Variants in KLHDC2 observed in about 807,000 individuals in gnomAD.
The protein encoded by KLHDC2 is kelch domain-containing protein 2.
KLHDC2 carries 38 observed loss-of-function variants against 62.3 expected under a neutral mutation model. The ratio of observed to expected loss-of-function variants is 0.61; its 90% CI spans 0.47 to 0.80. The LOEUF (loss-of-function observed/expected upper bound fraction) is 0.80. Ranked by LOEUF, KLHDC2 falls within the 30% of genes least tolerant of loss-of-function variation. The probability of loss-of-function intolerance (pLI) is 0.00; values close to 1 mark genes in which losing one functional copy is unlikely to be tolerated. For synonymous variants in KLHDC2, 159 were observed against 161.0 expected, an observed-to-expected ratio of 0.99 and a Z score of 0.09; for missense variants, 430 against 495.3, an observed-to-expected ratio of 0.87 and a Z score of 1.25.
intron 10 of KLHDC2, chr14:49,782,039 C>T (rs1302372467): frequency 8.3e-6 from 2 of 241,858 alleles, no homozygotes; most frequent in Non-Finnish European, 1.6e-5. Flanking sequence ...TGTGTAAGGC[C>T]AGTTGGCCCT....
intron 2 of KLHDC2, among the ~76,000 whole-genome samples, chr14:49,774,144 G>A (rs906467594): frequency 2.6e-5 from 4 of 152,180 alleles, no homozygotes; most frequent in Non-Finnish European, 5.9e-5. Flanking sequence ...GCTAAAAGGG[G>A]ACTGAAGAAA....
chr14:49,771,188 A>C (rs1889656565), intron 1 of KLHDC2, among the ~76,000 whole-genome samples: 1 of 152,088 alleles, frequency 6.6e-6, no homozygotes, highest in Non-Finnish European at 1.5e-5. Flanking sequence ...GTCTCTACTA[A>C]AAATACAAAA....
At position 49,771,161 on chromosome 14, in the gene KLHDC2, C is replaced by T. The variant is rs149950602; in HGVS notation, c.154-433C>T. On this transcript the variant is annotated intron_variant, in intron 1 of 12. Coordinates refer to ENST00000298307, the MANE Select transcript of KLHDC2 (RefSeq NM_014315.3). ...GTTGGGAGTTTGAGACCAGCCTGGC[C>T]AACATGGTGAAACCCTGTCTCTACT... 2.1e-3 allele frequency among the ~76,000 whole-genome samples: 326 copies of T among 152,066 alleles called. 3 individuals carry two copies. Among genetic ancestry groups the T allele is most frequent in the Middle Eastern group, 0.017 (5 of 294 alleles).
intron 8 of KLHDC2, 90 bp from the exon 9 acceptor site, chr14:49,780,123 A>G: frequency 7.3e-6 from 6 of 826,968 alleles, no homozygotes; most frequent in South Asian, 1.6e-5. Context: ...CTCTTTTTTC[A>G]TAACATGTAC....
At chr14:49,768,716 G>A in intron 1 of KLHDC2, 95 bp downstream of exon 1, 1 of 1,225,918 alleles carries the variant, frequency 8.2e-7, no homozygotes, top group Non-Finnish European at 1.1e-6. Context: ...GCCGCCGAGG[G>A]CGCTCCCCGC....
chr14:49,780,437 G>A, intron 9 of KLHDC2, 115 bp downstream of exon 9: 1 of 755,564 alleles, frequency 1.3e-6, no homozygotes, highest in Non-Finnish European at 2.3e-6. Flanking sequence ...TGGAAGGTTT[G>A]AAATTAATTT....
intron 3 of KLHDC2, 64 bp downstream of exon 3, chr14:49,774,742 A>T (rs1294094758): frequency 1.0e-6 from 1 of 987,214 alleles, no homozygotes; most frequent in Non-Finnish European, 1.6e-6. Context: ...AAACAACTGC[A>T]AATTTCTAAG....
At chr14:49,776,543 G>T (rs8013265) in intron 3 of KLHDC2, among the ~76,000 whole-genome samples, 1 of 152,196 alleles carries the variant, frequency 6.6e-6, no homozygotes, top group Non-Finnish European at 1.5e-5. Flanking sequence ...AATAGACACC[G>T]AACATGTATT....
chr14:49,775,615 C>CTTT (rs10584257), intron 3 of KLHDC2, among the ~76,000 whole-genome samples: 18 of 87,830 alleles, frequency 2.0e-4, no homozygotes, highest in African/African-American at 8.3e-4. Flanking sequence ...AAGCAAATGT[C>CTTT]TTTTTTTTTT....
intron 2 of KLHDC2, 25 bp from the exon 3 acceptor site, chr14:49,774,536 A>G (rs1214959258): frequency 2.2e-6 from 3 of 1,393,688 alleles, no homozygotes; most frequent in Non-Finnish European, 3.1e-6. Flanking sequence ...TTTAACTTAC[A>G]TACATTTAAT....
In KLHDC2 at chr14:49,768,256, T is replaced by A; in HGVS notation, c.-213T>A. The A allele has an allele frequency of 2.3e-6, 1 of 438,254 alleles. No individual in the cohort carries two copies. Among genetic ancestry groups the A allele is most frequent in the Non-Finnish European group, 3.9e-6 (1 of 255,720 alleles). 27.1% of individuals were successfully genotyped at this position (438,254 alleles called of 1,614,324 possible). On this transcript the variant is annotated 5_prime_UTR_variant, in exon 1 of 13. Transcript: ENST00000298307. ...CGCCCGGCTCCGCTCGCGGCCCCTCTGTCTGCAGGCGTGCCCCGGCGGCGG... is the reference window on the plus strand; with the variant it reads ...CGCCCGGCTCCGCTCGCGGCCCCTCAGTCTGCAGGCGTGCCCCGGCGGCGG...
rs748700897 is a variant in KLHDC2 at position 49,782,365 on chromosome 14, T to C, written c.957-5T>C. The C allele has an allele frequency of 1.9e-6, 3 of 1,598,510 alleles. No individual in the cohort carries two copies. Among genetic ancestry groups the C allele is most frequent in the Non-Finnish European group, 1.7e-6 (2 of 1,171,106 alleles). ...GCTTCAAACTCGTTTTTGTTTTAAATGCAGGTTATGGCACACAGCTTGTGC... is the reference window on the plus strand; with the variant it reads ...GCTTCAAACTCGTTTTTGTTTTAAACGCAGGTTATGGCACACAGCTTGTGC... On this transcript the variant is annotated splice_polypyrimidine_tract_variant and splice_region_variant and intron_variant, in intron 10 of 12. Transcript: ENST00000298307.
intron 6 of KLHDC2, among the ~76,000 whole-genome samples, chr14:49,779,012 C>T (rs955682328): frequency 3.3e-5 from 5 of 152,124 alleles, no homozygotes; most frequent in Non-Finnish European, 7.4e-5. Context: ...CATGAGCCAC[C>T]GTGCCCAACC....
rs777873103 is a variant in KLHDC2 at position 49,784,749 on chromosome 14, T to C, written c.*1796T>C. The C allele has an allele frequency of 3.2e-6, 5 of 1,545,702 alleles. No homozygotes were observed. Among genetic ancestry groups the C allele is most frequent in the Non-Finnish European group, 3.6e-6 (4 of 1,122,464 alleles). On this transcript the variant is annotated 3_prime_UTR_variant, in exon 13 of 13. Transcript: ENST00000298307. ...AAAATTGCTGAATATCTTCACATCC[T>C]GTATGGTCAATCATGTTTCTTTTAT...
intron 6 of KLHDC2, 80 bp from the exon 7 acceptor site, chr14:49,779,515 C>A: frequency 9.5e-7 from 1 of 1,054,650 alleles, no homozygotes; most frequent in Non-Finnish European, 1.4e-6. Flanking sequence ...CTTACATATT[C>A]TTATCCCATA....
intron 2 of KLHDC2, among the ~76,000 whole-genome samples, chr14:49,773,898 A>C (rs1025171319): frequency 6.6e-6 from 1 of 152,186 alleles, no homozygotes; most frequent in Non-Finnish European, 1.5e-5. Context: ...TTTTAAAAAA[A>C]TGAGCCTTCT....
intron 12 of KLHDC2, 24 bp downstream of exon 12, chr14:49,782,618 T>C: frequency 6.4e-7 from 1 of 1,560,926 alleles, no homozygotes; most frequent in Non-Finnish European, 8.7e-7. Flanking sequence ...TACTTGGCAC[T>C]TAGATTATTT....
chr14:49,774,347 A>G (rs1046917820), intron 2 of KLHDC2, among the ~76,000 whole-genome samples: 1 of 152,200 alleles, frequency 6.6e-6, no homozygotes, highest in Non-Finnish European at 1.5e-5. Context: ...GCCTGTACAC[A>G]TGGGGCCAGC....
chr14:49,776,670 G>T (rs959832378), intron 3 of KLHDC2, among the ~76,000 whole-genome samples: 9 of 152,026 alleles, frequency 5.9e-5, no homozygotes, highest in African/African-American at 1.9e-4. Flanking sequence ...TATAATCCCA[G>T]CACTTTGGGA....
Sources: gnomAD v4.1 joint callset for allele counts (sites outside exome capture counted in the v4.1 genomes callset) on GRCh38, gnomAD v4.1.1 for gene constraint, MANE v1.5 for transcripts, NCBI Gene and HGNC (gene_info 2026-07-23, HGNC 2026-07-21) for gene names.